COMMD3: variants seen among roughly 807,000 people sequenced by gnomAD.
COMMD3 encodes the protein COMM domain containing 3.
Under a neutral mutation model 31.2 loss-of-function variants are expected in COMMD3, and 31 were observed. The observed-to-expected ratio is 0.99, with a 90% CI of 0.75 to 1.34. COMMD3 has a LOEUF of 1.34. COMMD3 is among the 40% of genes most tolerant of loss of function. COMMD3 has a pLI of 0.00. For missense variants in COMMD3, 274 were observed against 236.9 expected (o/e 1.16, Z -1.03); for synonymous variants, 108 against 87.3 (o/e 1.24, Z -1.32).
At position 22,318,097 on chromosome 10, in the gene COMMD3, T is replaced by A. The variant is rs200235418; in HGVS notation, c.252-8T>A. The A allele has an allele frequency of 1.2e-6, 2 of 1,609,702 alleles. No homozygotes were observed. Among genetic ancestry groups the A allele is most frequent in the Admixed American group, 3.4e-5 (2 of 58,922 alleles). On this transcript the variant is annotated splice_polypyrimidine_tract_variant and splice_region_variant and intron_variant, in intron 2 of 7. Transcript: ENST00000376836. Reference sequence around the variant, plus strand: ...ACAGAACTTTGGCTTTTTTTTTCTTTCTTCTAGCACTTATCTAGAAGACTG... The same window carrying A: ...ACAGAACTTTGGCTTTTTTTTTCTTACTTCTAGCACTTATCTAGAAGACTG...
intron 7 of COMMD3, chr10:22,319,288 C>T (rs1326688593): frequency 6.1e-6 from 2 of 326,842 alleles, no homozygotes; most frequent in East Asian, 5.1e-5. Flanking sequence ...TAAATTTCTT[C>T]TATTCATGAT....
At chr10:22,316,932 TCAA>T in intron 1 of COMMD3, 2 of 162,124 alleles carry the variant, frequency 1.2e-5, no homozygotes, top group South Asian at 3.4e-4. Flanking sequence ...TCCCTGCAAT[TCAA>T]GCTTCCAGGG....
intron 7 of COMMD3, 124 bp from the exon 8 acceptor site, chr10:22,319,815 C>T: frequency 8.3e-7 from 1 of 1,207,298 alleles, no homozygotes; most frequent in African/African-American, 1.5e-5. Flanking sequence ...AAGTTAAAAT[C>T]TTGTTGAATT....
At chr10:22,319,774 A>G in intron 7 of COMMD3, 165 bp from the exon 8 acceptor site, 1 of 763,764 alleles carries the variant, frequency 1.3e-6, no homozygotes, top group Non-Finnish European at 2.0e-6. Context: ...TTCCGAGGAA[A>G]CGCTTTTTTT....
chr10:22,318,207 T>G lies in COMMD3; in HGVS notation c.315+39T>G, dbSNP rs749043511. On this transcript the variant is annotated intron_variant, in intron 3 of 7. Coordinates refer to ENST00000376836, the MANE Select transcript of COMMD3 (RefSeq NM_012071.4). ...AAATTTTTAATTAACAGTACTATTT[T>G]TCTTTTACTTTGTTTGTAAAGATGT... 2.5e-6 allele frequency: 4 copies of G among 1,595,214 alleles called. No homozygotes were observed. The African/African-American group carries it at 5.4e-5, about 22-fold the overall frequency.
At chr10:22,319,892 T>C in intron 7 of COMMD3, 47 bp from the exon 8 acceptor site, 5 of 1,608,332 alleles carry the variant, frequency 3.1e-6, no homozygotes, top group Non-Finnish European at 4.3e-6. Context: ...GGATACTTCT[T>C]TCCATGTTTT....
In COMMD3 at chr10:22,319,992, G is replaced by C. The variant is rs369935672; in HGVS notation, c.582G>C (p.Gln194His). The change falls in exon 8 of 8, where the codon CAG becomes CAC. Residue 194 changes from glutamine to histidine, a missense_variant. Gln to His is a conservative substitution (Grantham distance 24). Transcript: ENST00000376836. Reference protein sequence around the residue: ...DASKSLERATQL With the variant: ...DASKSLERATHL The stretch of plus-strand genomic sequence containing the variant: ...CGAAAAGCCTGGAAAGAGCAACTCA[G>C]TTGTAACTTGGGGAAGTTAACGATC... The C allele has an allele frequency of 1.2e-6, 2 of 1,614,140 alleles. No homozygotes were observed. The highest frequency in any genetic ancestry group is 1.7e-5 in the Admixed American group (1 of 60,024).
intron 4 of COMMD3, 153 bp downstream of exon 4, chr10:22,318,459 AG>A: frequency 8.3e-7 from 1 of 1,209,894 alleles, no homozygotes; most frequent in Non-Finnish European, 1.2e-6. Context: ...ATGTTTTTAA[AG>A]ATCGTTTATT....
In COMMD3 at chr10:22,316,451, C is replaced by T; in HGVS notation, c.34C>T (p.Gln12Ter). 10 of 1,551,060 alleles carry T rather than the reference C, an allele frequency of 6.4e-6. No homozygotes were observed. The highest frequency in any genetic ancestry group is 1.4e-5 in the African/African-American group (1 of 73,184). Reference sequence around the variant, plus strand: ...CTCGGAGTCTGTGCAGAAAGGCTTCCAGATGCTGGCGGATCCCCGCTCCTT... The same window carrying T: ...CTCGGAGTCTGTGCAGAAAGGCTTCTAGATGCTGGCGGATCCCCGCTCCTT... The part of the protein sequence containing the change: ...ELSESVQKGF[Q>*]MLADPRSFDS... The change falls in exon 1 of 8, where the codon CAG becomes TAG. Residue 12 changes from glutamine to a stop codon, truncating the protein, a stop_gained. Transcript: ENST00000376836. LOFTEE classifies it high-confidence loss of function.
chr10:22,317,625 A>T (rs1564345789), intron 1 of COMMD3: 1 of 291,692 alleles, frequency 3.4e-6, no homozygotes, highest in South Asian at 6.1e-5. Flanking sequence ...TTTGGGGGCT[A>T]TAATATTTTT....
chr10:22,319,189 C>A, intron 7 of COMMD3, 171 bp downstream of exon 7: 1 of 666,984 alleles, frequency 1.5e-6, no homozygotes, highest in Non-Finnish European at 2.4e-6. Flanking sequence ...TTAAGATAGG[C>A]TTCACTTGAA....
rs947493016 is a variant in COMMD3, at chr10:22,320,155, G to C, written c.*157G>C. On this transcript the variant is annotated 3_prime_UTR_variant, in exon 8 of 8. Coordinates refer to ENST00000376836, the MANE Select transcript of COMMD3 (RefSeq NM_012071.4). ...TCATCAATTTTGACACTTTAAAAACGTGTGAAAGGGTTAAGAGGGAAAGAT... is the reference window on the plus strand; with the variant it reads ...TCATCAATTTTGACACTTTAAAAACCTGTGAAAGGGTTAAGAGGGAAAGAT... The C allele has an allele frequency of 6.5e-7, 1 of 1,531,394 alleles. No individual in the cohort carries two copies. The highest frequency in any genetic ancestry group is 1.4e-5 in the African/African-American group (1 of 72,422). 94.9% of individuals were successfully genotyped at this position (1,531,394 alleles called of 1,614,324 possible). A position where few individuals can be genotyped will look rare whatever the true frequency, so the allele number is the denominator to read the frequency against.
At chr10:22,319,050 C>T in intron 7 of COMMD3, 32 bp downstream of exon 7, 2 of 1,557,836 alleles carry the variant, frequency 1.3e-6, no homozygotes, top group Non-Finnish European at 8.6e-7. Flanking sequence ...ATATTCCTGT[C>T]TTTTTATAAA....
chr10:22,319,524 GT>G (rs1389116177), intron 7 of COMMD3: 1 of 170,792 alleles, frequency 5.9e-6, no homozygotes, highest in Non-Finnish European at 1.3e-5. Context: ...TTATTTCATA[GT>G]TTTTAAAAAA....
rs774554461 is a variant in COMMD3, at chr10:22,320,081, TG to T, written c.*85del. 6.2e-7 allele frequency: 1 copy of T among 1,612,346 alleles called. No homozygotes were observed. The highest frequency in any genetic ancestry group is 1.7e-5 in the Admixed American group (1 of 59,736). ...CAGCTGAACCACCGTTTGTGCGAGCTGGATGTCCTTTTCAGTAGAAAAGAAT... is the reference window on the plus strand; with the variant it reads ...CAGCTGAACCACCGTTTGTGCGAGCTGATGTCCTTTTCAGTAGAAAAGAAT... On this transcript the variant is annotated 3_prime_UTR_variant, in exon 8 of 8. Coordinates refer to ENST00000376836, the MANE Select transcript of COMMD3 (RefSeq NM_012071.4).
Position 22,319,964 on chromosome 10 carries a change from C to G in COMMD3, c.554C>G (p.Ala185Gly). Residue 185 changes from alanine to glycine, a missense_variant, in exon 8 of 8, where the codon GCT (alanine) becomes GGT (glycine). By Grantham distance (60) the Ala-to-Gly change is moderately conservative (BLOSUM62 0). Transcript: ENST00000376836. ...LQDLVGKLKD[A>G]SKSLERATQL ...GACTTGGTGGGGAAACTTAAAGATGCTTCGAAAAGCCTGGAAAGAGCAACT... is the reference window on the plus strand; with the variant it reads ...GACTTGGTGGGGAAACTTAAAGATGGTTCGAAAAGCCTGGAAAGAGCAACT... 6.2e-7 allele frequency: 1 copy of G among 1,614,022 alleles called. No individual in the cohort carries two copies. The highest frequency in any genetic ancestry group is 8.5e-7 in the Non-Finnish European group (1 of 1,179,986).
At position 22,316,451 on chromosome 10, in the gene COMMD3, C is replaced by G; in HGVS notation, c.34C>G (p.Gln12Glu). The G allele has an allele frequency of 6.4e-7, 1 of 1,551,060 alleles. No individual in the cohort carries two copies. Among genetic ancestry groups the G allele is most frequent in the Non-Finnish European group, 8.7e-7 (1 of 1,146,914 alleles). The part of the protein sequence containing the change: ...ELSESVQKGF[Q>E]MLADPRSFDS... ...CTCGGAGTCTGTGCAGAAAGGCTTC[C>G]AGATGCTGGCGGATCCCCGCTCCTT... The change falls in exon 1 of 8, where the codon CAG (glutamine) becomes GAG (glutamate). Residue 12 changes from glutamine to glutamate, a missense_variant. Coordinates refer to ENST00000376836, the MANE Select transcript of COMMD3 (RefSeq NM_012071.4).
At chr10:22,319,758 AG>A (rs1835926018) in intron 7 of COMMD3, 180 bp from the exon 8 acceptor site, 1 of 646,474 alleles carries the variant, frequency 1.5e-6, no homozygotes, top group African/African-American at 1.8e-5. Flanking sequence ...TTTGAACATG[AG>A]GTATTTCCGA....
At chr10:22,317,779 T>C (rs1012887605) in intron 1 of COMMD3, 105 bp from the exon 2 acceptor site, 43 of 1,177,922 alleles carry the variant, frequency 3.7e-5, no homozygotes, top group Middle Eastern at 4.5e-4. Context: ...TTGATGTTTT[T>C]AATCTTGTTA....
Sources: gnomAD v4.1 joint callset for allele counts on GRCh38, gnomAD v4.1.1 for gene constraint, MANE v1.5 for transcripts, NCBI Gene and HGNC (gene_info 2026-07-23, HGNC 2026-07-21) for gene names.